Variants in SPIRE1 observed in about 807,000 individuals in gnomAD.
The protein encoded by SPIRE1 is spire type actin nucleation factor 1.
SPIRE1 carries 40 observed loss-of-function variants against 94.1 expected under a neutral mutation model. The observed-to-expected ratio is 0.43, with a 90% CI of 0.33 to 0.55. SPIRE1 has a LOEUF of 0.55. SPIRE1 is among the 20% of genes least tolerant of loss of function. The probability of loss-of-function intolerance (pLI) is 0.06; values close to 1 mark genes in which losing one functional copy is unlikely to be tolerated. For missense variants in SPIRE1, 838 were observed against 975.2 expected, an observed-to-expected ratio of 0.86 and a Z score of 1.87; for synonymous variants, 376 against 371.7, an observed-to-expected ratio of 1.01 and a Z score of -0.13.
chr18:12,637,643 T>C (rs140117852), intron 1 of SPIRE1, among the ~76,000 whole-genome samples: 2 of 152,260 alleles, frequency 1.3e-5, no homozygotes, highest in Non-Finnish European at 2.9e-5. Flanking sequence ...ATTACACAAC[T>C]TCAAAACATT....
intron 5 of SPIRE1, among the ~76,000 whole-genome samples, chr18:12,509,864 C>T (rs2033967893): frequency 6.6e-6 from 1 of 152,064 alleles, no homozygotes; most frequent in Admixed American, 6.6e-5. Context: ...GGGCGGATCA[C>T]CAGGTAGGTC....
At chr18:12,570,410 G>A (rs2035934006) in intron 2 of SPIRE1, among the ~76,000 whole-genome samples, 1 of 152,194 alleles carries the variant, frequency 6.6e-6, no homozygotes, top group Non-Finnish European at 1.5e-5. Flanking sequence ...CTAACAAACA[G>A]TAGCTGCTAT....
chr18:12,551,658 C>T (rs1406524601), intron 2 of SPIRE1, among the ~76,000 whole-genome samples: 2 of 151,498 alleles, frequency 1.3e-5, no homozygotes, highest in South Asian at 2.1e-4. Flanking sequence ...GCCAACATCA[C>T]GCCACTGCAC....
chr18:12,576,750 A>G (rs1011861148), intron 2 of SPIRE1, among the ~76,000 whole-genome samples: 8 of 151,046 alleles, frequency 5.3e-5, no homozygotes, highest in South Asian at 4.2e-4. Context: ...TTAGCCAGGC[A>G]TGGTGGCATG....
intron 2 of SPIRE1, among the ~76,000 whole-genome samples, chr18:12,576,801 A>G (rs761839114): frequency 3.4e-5 from 5 of 146,556 alleles, no homozygotes; most frequent in Admixed American, 7.0e-5. Context: ...AGGCAGAAGA[A>G]TTGCTCGAAC....
chr18:12,577,297 G>A (rs1462754422), intron 2 of SPIRE1, among the ~76,000 whole-genome samples: 3 of 151,928 alleles, frequency 2.0e-5, no homozygotes, highest in African/African-American at 2.4e-5. Context: ...ACAGGCGCCC[G>A]CCACCACGCC....
intron 7 of SPIRE1, among the ~76,000 whole-genome samples, chr18:12,495,291 A>T (rs1178895630): frequency 6.6e-6 from 1 of 152,222 alleles, no homozygotes; most frequent in Admixed American, 6.5e-5. Flanking sequence ...GAATATTCTG[A>T]GTCTATGGTT....
At chr18:12,602,121 G>A (rs2144643322) in intron 2 of SPIRE1, among the ~76,000 whole-genome samples, 1 of 152,170 alleles carries the variant, frequency 6.6e-6, no homozygotes, top group Non-Finnish European at 1.5e-5. Flanking sequence ...GACATATATA[G>A]ACATATACAC....
chr18:12,619,848 GA>G (rs35340668), intron 2 of SPIRE1, among the ~76,000 whole-genome samples: 124 of 110,976 alleles, frequency 1.1e-3, no homozygotes, highest in East Asian at 2.9e-3. Context: ...TCTGCCTCAG[GA>G]AAAAAAAAAA....
chr18:12,553,478 G>A lies in SPIRE1; in HGVS notation c.373-6574C>T, dbSNP rs542310047. Among the ~76,000 whole-genome samples the A allele has an allele frequency of 3.9e-3, 588 of 152,346 alleles. 4 individuals are homozygous for A. The highest frequency in any genetic ancestry group is 6.9e-3 in the Non-Finnish European group (471 of 68,024). ...GGGCCTGTGGTGGTGGCCATGGGGT[G>A]AGGCTCCTCTGCCTGTGGAAGAGGC... On this transcript the variant is annotated intron_variant, in intron 2 of 16. Coordinates refer to ENST00000409402, the MANE Select transcript of SPIRE1 (RefSeq NM_001128626.2).
chr18:12,449,873 A>G lies in SPIRE1; in HGVS notation c.2036T>C (p.Met679Thr), dbSNP rs936837347. The change falls in exon 17 of 17, where the codon ATG (methionine) becomes ACG (threonine). Residue 679 changes from methionine (M) to threonine (T), a missense_variant. Coordinates refer to ENST00000409402, the MANE Select transcript of SPIRE1 (RefSeq NM_001128626.2). ...IARFSSKSKS[M>T]DKSDEELQFP... ...CTGGAGTTCTTCATCTGATTTGTCCATAGACTTAGATTTTGAGGAGAACCT... is the reference window on the plus strand; with the variant it reads ...CTGGAGTTCTTCATCTGATTTGTCCGTAGACTTAGATTTTGAGGAGAACCT... 13 of 1,614,022 alleles carry G rather than the reference A, an allele frequency of 8.1e-6. No homozygotes were observed. The highest frequency in any genetic ancestry group is 1.1e-5 in the Non-Finnish European group (13 of 1,180,006).
chr18:12,466,024 T>C (rs570758527), intron 10 of SPIRE1, among the ~76,000 whole-genome samples: 2 of 151,014 alleles, frequency 1.3e-5, no homozygotes, highest in South Asian at 4.2e-4. Context: ...GCAGCGGTTG[T>C]AGTGAGCTGA....
chr18:12,463,290 C>G, intron 12 of SPIRE1, 61 bp downstream of exon 12: 2 of 1,441,294 alleles, frequency 1.4e-6, no homozygotes, highest in Non-Finnish European at 1.9e-6. Flanking sequence ...CATAAGAAAG[C>G]TAATGATTCT....
chr18:12,459,717 G>A (rs1375255582), intron 12 of SPIRE1: 7 of 979,962 alleles, frequency 7.1e-6, no homozygotes, highest in Non-Finnish European at 8.5e-6. Context: ...GAGATACAGA[G>A]AATGAAATAA....
rs1227817533 is a variant in SPIRE1 at position 12,617,448 on chromosome 18, T to C, written c.372+17614A>G. 6.0e-5 allele frequency among the ~76,000 whole-genome samples: 9 copies of C among 150,882 alleles called. No individual in the cohort carries two copies. The East Asian group carries it at 1.8e-3, about 29-fold the overall frequency. Reference sequence around the variant, plus strand: ...TGTTTTGGAGACAGAGTTTCGCTTTTTTGTCCAGGCTGGAGTGCAAGGGTG... The same window carrying C: ...TGTTTTGGAGACAGAGTTTCGCTTTCTTGTCCAGGCTGGAGTGCAAGGGTG... On this transcript the variant is annotated intron_variant, in intron 2 of 16. Coordinates refer to ENST00000409402, the MANE Select transcript of SPIRE1 (RefSeq NM_001128626.2).
chr18:12,564,185 A>T (rs1399422453), intron 2 of SPIRE1, among the ~76,000 whole-genome samples: 1 of 152,172 alleles, frequency 6.6e-6, no homozygotes, highest in Non-Finnish European at 1.5e-5. Flanking sequence ...ATACTCAAGG[A>T]TCTAATCAAT....
chr18:12,512,972 C>T (rs549973786), intron 4 of SPIRE1, among the ~76,000 whole-genome samples: 9 of 152,092 alleles, frequency 5.9e-5, no homozygotes, highest in East Asian at 1.9e-4. Flanking sequence ...ACAGAATCAT[C>T]GATTCTTCAG....
intron 2 of SPIRE1, among the ~76,000 whole-genome samples, chr18:12,622,421 C>CTTTTTTTT (rs71371281): frequency 1.6e-4 from 18 of 114,850 alleles, no homozygotes; most frequent in Non-Finnish European, 2.3e-4. Context: ...TATGTCCAGT[C>CTTTTTTTT]TTTTTTTTTT....
intron 3 of SPIRE1, among the ~76,000 whole-genome samples, chr18:12,545,800 C>G (rs901209472): frequency 1.3e-5 from 2 of 152,028 alleles, no homozygotes; most frequent in African/African-American, 2.4e-5. Flanking sequence ...TTGTTTTTTA[C>G]TCTAGAAAAA....
Sources: gnomAD v4.1 joint callset for allele counts (sites outside exome capture counted in the v4.1 genomes callset) on GRCh38, gnomAD v4.1.1 for gene constraint, MANE v1.5 for transcripts, NCBI Gene and HGNC (gene_info 2026-07-23, HGNC 2026-07-21) for gene names.